C2: variants seen among roughly 807,000 people sequenced by gnomAD.
The protein encoded by C2 is C3/C5 convertase.
Under a neutral mutation model 85.2 loss-of-function variants are expected in C2, and 64 were observed. The ratio of observed to expected loss-of-function variants is 0.75; its 90% CI spans 0.61 to 0.92. C2 has a LOEUF of 0.92. C2 is among the 40% of genes least tolerant of loss of function. The pLI is 0.00. For synonymous variants in C2, 311 were observed against 370.8 expected, an observed-to-expected ratio of 0.84 and a Z score of 1.85; for missense variants, 820 against 971.6, an observed-to-expected ratio of 0.84 and a Z score of 2.07.
Position 31,945,121 on chromosome 6 carries a change from T to G in C2, c.2080-57T>G. On this transcript the variant is annotated intron_variant, in intron 17 of 17. Transcript: ENST00000299367. The surrounding 1 kb of genome is among the most constrained non-coding windows in gnomAD (Gnocchi z 5.3). ...AGGCCTTTGAGGGATCTAGGGAGGT[T>G]GGGGCTTACAGTTGGGGCTGTGGCA... 1.2e-6 allele frequency: 2 copies of G among 1,610,510 alleles called. No homozygotes were observed. The highest frequency in any genetic ancestry group is 1.7e-6 in the Non-Finnish European group (2 of 1,177,890).
In C2 at chr6:31,945,270, G is replaced by A. The variant is rs370903470; in HGVS notation, c.2172G>A (p.Pro724=). 45 of 1,612,792 alleles carry A rather than the reference G, an allele frequency of 2.8e-5. No individual in the cohort carries two copies. The highest frequency in any genetic ancestry group is 1.6e-4 in the Middle Eastern group (1 of 6,084). The change falls in exon 18 of 18, where the codon CCG becomes CCA. Residue 724 remains proline (P), a synonymous_variant. Transcript: ENST00000299367. The surrounding 1 kb of genome is among the most constrained non-coding windows in gnomAD (Gnocchi z 5.3). ...GGGCCCCTCGTAGCAAGGTCCCGCCGCCACGAGACTTTCACATCAATCTCT... is the reference window on the plus strand; with the variant it reads ...GGGCCCCTCGTAGCAAGGTCCCGCCACCACGAGACTTTCACATCAATCTCT... The part of the protein sequence containing the change: ...RKRAPRSKVP[P]PRDFHINLFR...
upstream of C2, among the ~76,000 whole-genome samples, chr6:31,915,199 A>G (rs1768420691): frequency 6.6e-6 from 1 of 152,182 alleles, no homozygotes; most frequent in Non-Finnish European, 1.5e-5. Context: ...AAAATTCCAT[A>G]TAGCAAATCG....
upstream of C2, among the ~76,000 whole-genome samples, chr6:31,926,334 T>TA (rs1769255741): frequency 1.6e-5 from 2 of 126,248 alleles, no homozygotes; most frequent in African/African-American, 5.1e-5. Context: ...ATTTGTGTAC[T>TA]CTTTTTTTTT....
At position 31,933,856 on chromosome 6, in the gene C2, T is replaced by G. The variant is rs1172005967; in HGVS notation, c.617-11T>G. 6 of 1,612,682 alleles carry G rather than the reference T, an allele frequency of 3.7e-6. No individual in the cohort carries two copies. The highest frequency in any genetic ancestry group is 5.1e-6 in the Non-Finnish European group (6 of 1,178,938). ...CTGCCCCGGCTGACTCCTGTGTGGC[T>G]CTCCCCACAGAACCCTACTCTTATG... On this transcript the variant is annotated splice_polypyrimidine_tract_variant and intron_variant, in intron 4 of 17. Coordinates refer to ENST00000299367, the MANE Select transcript of C2 (RefSeq NM_000063.6).
At chr6:31,901,958 ACG>A (rs999161688) in intron 1 of C2, 13 of 118,516 alleles carry the variant, frequency 1.1e-4, no homozygotes, top group Admixed American at 1.7e-4. Context: ...GATGCACGGG[ACG>A]CGCGCGCGCG....
At chr6:31,915,459 T>G (rs1768439779), upstream of C2, among the ~76,000 whole-genome samples, 1 of 152,228 alleles carries the variant, frequency 6.6e-6, no homozygotes, top group African/African-American at 2.4e-5. Flanking sequence ...AGACCTAATA[T>G]TCCCCTGTTT....
In C2 at chr6:31,945,227, A is replaced by C. The variant is rs779107980; in HGVS notation, c.2129A>C (p.Asp710Ala). ...TACAACCCCTGCCTTGGCTCTGCTG[A>C]CAAAAACTCCCGCAAAAGGGCCCCT... ...GLYNPCLGSA[D>A]KNSRKRAPRS... The change falls in exon 18 of 18, where the codon GAC becomes GCC. Residue 710 changes from aspartate (D) to alanine (A), a missense_variant. Asp to Ala is a moderately radical substitution (Grantham distance 126). Coordinates refer to ENST00000299367, the MANE Select transcript of C2 (RefSeq NM_000063.6). The surrounding 1 kb of genome is among the most constrained non-coding windows in gnomAD (Gnocchi z 5.3). 3.7e-6 allele frequency: 6 copies of C among 1,612,888 alleles called. No homozygotes were observed. Among genetic ancestry groups the C allele is most frequent in the Non-Finnish European group, 5.1e-6 (6 of 1,179,986 alleles).
chr6:31,902,804 C>A (rs1345734602), intron 1 of C2, among the ~76,000 whole-genome samples: 1 of 152,182 alleles, frequency 6.6e-6, no homozygotes, highest in Non-Finnish European at 1.5e-5. Context: ...CCAAGGCAGT[C>A]GCCCTCCGCT....
intron 1 of C2, among the ~76,000 whole-genome samples, chr6:31,911,548 A>C (rs1170291047): frequency 6.6e-6 from 1 of 151,962 alleles, no homozygotes; most frequent in Non-Finnish European, 1.5e-5. Flanking sequence ...TGAAATCAGC[A>C]TGCACATGAG....
At chr6:31,910,724 A>G (rs1369725775) in intron 1 of C2, among the ~76,000 whole-genome samples, 6 of 152,050 alleles carry the variant, frequency 3.9e-5, no homozygotes, top group African/African-American at 1.2e-4. Context: ...CCACACCTGT[A>G]ATCCCAGCAC....
At chr6:31,916,869 CAA>C (rs9257073), upstream of C2, among the ~76,000 whole-genome samples, 1 of 78,878 alleles carries the variant, frequency 1.3e-5, no homozygotes, top group Non-Finnish European at 2.3e-5. Context: ...TCCATCTCAA[CAA>C]AAAAAAAAAA....
At chr6:31,912,861 A>AGG (rs1554273828) in intron 1 of C2, among the ~76,000 whole-genome samples, 1 of 3,430 alleles carries the variant, frequency 2.9e-4, no homozygotes, top group Admixed American at 7.6e-3. Flanking sequence ...AAAAAAAAAA[A>AGG]GAGATTGGTT....
chr6:31,918,667 A>G (rs1768729897), upstream of C2, among the ~76,000 whole-genome samples: 1 of 151,706 alleles, frequency 6.6e-6, no homozygotes, highest in South Asian at 2.1e-4. Context: ...TGGGAGGCCG[A>G]GGTGGGCGGA....
rs1363125853 is a variant in C2 at position 31,943,332 on chromosome 6, A to T, written c.1455+13A>T. 1 of 1,611,060 alleles carries T rather than the reference A, an allele frequency of 6.2e-7. No individual in the cohort carries two copies. Among genetic ancestry groups the T allele is most frequent in the Non-Finnish European group, 8.5e-7 (1 of 1,178,144 alleles). Reference sequence around the variant, plus strand: ...TGTCACTATTAAGGTACCAGGAAGGAGGGGCAGGGCTTGGATTCCAGAGGT... The same window carrying T: ...TGTCACTATTAAGGTACCAGGAAGGTGGGGCAGGGCTTGGATTCCAGAGGT... On this transcript the variant is annotated intron_variant, in intron 11 of 17. Coordinates refer to ENST00000299367, the MANE Select transcript of C2 (RefSeq NM_000063.6). The surrounding 1 kb of genome is among the most constrained non-coding windows in gnomAD (Gnocchi z 6.4).
chr6:31,937,275 G>A, intron 7 of C2, 44 bp from the exon 8 acceptor site: 1 of 1,605,594 alleles, frequency 6.2e-7, no homozygotes, highest in Non-Finnish European at 8.5e-7. Context: ...CTAGGTGGTA[G>A]GTGGGAAGTT....
rs749196268 is a variant in C2, at chr6:31,945,266, C to T, written c.2168C>T (p.Pro723Leu). ...AAAAGGGCCCCTCGTAGCAAGGTCC[C>T]GCCGCCACGAGACTTTCACATCAAT... ...SRKRAPRSKV[P>L]PPRDFHINLF... is the part of the protein sequence containing the mutation. Residue 723 changes from proline (P) to leucine (L), a missense_variant, in exon 18 of 18, where the codon CCG becomes CTG. By Grantham distance (98) the Pro-to-Leu change is moderately conservative. Coordinates refer to ENST00000299367, the MANE Select transcript of C2 (RefSeq NM_000063.6). The surrounding 1 kb of genome is among the most constrained non-coding windows in gnomAD (Gnocchi z 5.3). The T allele has an allele frequency of 1.2e-5, 20 of 1,612,890 alleles. No homozygotes were observed. The highest frequency in any genetic ancestry group is 3.3e-5 in the Admixed American group (2 of 60,004).
chr6:31,927,482 T>C, upstream of C2: 1 of 1,418,968 alleles, frequency 7.0e-7, no homozygotes, highest in Non-Finnish European at 9.2e-7. This position sits in a 1 kb window ranked among gnomAD's most constrained non-coding sequence, Gnocchi z 4.7. Flanking sequence ...GGGTGGAGCG[T>C]GGGGGCAGTA....
Position 31,943,647 on chromosome 6 carries a change from A to G in C2, c.1571A>G (p.Asp524Gly). ...DHSLWRVNVG[D>G]PKSQWGKEFL... ...TAATCTAGTGTATCATTTCCAGGAG[A>G]CCCCAAATCCCAGTGGGGCAAAGAA... The change falls in exon 13 of 18, where the codon GAC becomes GGC. Residue 524 changes from aspartate to glycine, a missense_variant. Coordinates refer to ENST00000299367, the MANE Select transcript of C2 (RefSeq NM_000063.6). This position sits in a 1 kb window ranked among gnomAD's most constrained non-coding sequence, Gnocchi z 6.4. The G allele has an allele frequency of 6.2e-7, 1 of 1,612,784 alleles. No individual in the cohort carries two copies. The highest frequency in any genetic ancestry group is 1.1e-5 in the South Asian group (1 of 91,066).
Position 31,927,784 on chromosome 6 carries a change from T to C in C2, c.32T>C (p.Leu11Pro). The change falls in exon 1 of 18, where the codon CTG becomes CCG. Residue 11 changes from leucine (L) to proline (P), a missense_variant. Physicochemically the swap from Leu to Pro is moderately conservative, Grantham distance 98. Transcript: ENST00000299367. The surrounding 1 kb of genome is among the most constrained non-coding windows in gnomAD (Gnocchi z 4.7). The part of the protein sequence containing the change: MGPLMVLFCL[L>P]FLYPGLADSA... ...CCACTGATGGTTCTTTTTTGCCTGC[T>C]GTTCCTGTACCCAGGTAGGAGGCAG... 3 of 1,613,864 alleles carry C rather than the reference T, an allele frequency of 1.9e-6. No individual in the cohort carries two copies. Among genetic ancestry groups the C allele is most frequent in the Non-Finnish European group, 2.5e-6 (3 of 1,180,014 alleles).
Sources: allele counts gnomAD v4.1 joint callset (sites outside exome capture counted in the v4.1 genomes callset), GRCh38; gene constraint gnomAD v4.1.1; non-coding constraint Gnocchi (gnomAD v3.1); transcripts MANE v1.5; gene names NCBI Gene and HGNC (gene_info 2026-07-23, HGNC 2026-07-21).